MGAT4B: variants seen among roughly 807,000 people sequenced by gnomAD.
The protein encoded by MGAT4B is N-acetylglucosaminyltransferase IVb.
Under a neutral mutation model 73.9 loss-of-function variants are expected in MGAT4B, and 38 were observed. The ratio of observed to expected loss-of-function variants is 0.51; its 90% CI spans 0.40 to 0.67. The LOEUF (loss-of-function observed/expected upper bound fraction) is 0.67. MGAT4B is among the 30% of genes least tolerant of loss of function. The probability of loss-of-function intolerance (pLI) is 0.00; values close to 1 mark genes in which losing one functional copy is unlikely to be tolerated. For missense variants in MGAT4B, 686 were observed against 735.2 expected (o/e 0.93, Z 0.77); for synonymous variants, 373 against 313.5 (o/e 1.19, Z -2.01).
chr5:179,806,468 G>A lies in MGAT4B; in HGVS notation c.97+19C>T. The A allele has an allele frequency of 1.6e-6, 2 of 1,260,418 alleles. No homozygotes were observed. The highest frequency in any genetic ancestry group is 2.8e-5 in the Admixed American group (1 of 35,400). The allele number at this position is 1,260,418 out of a possible 1,614,324, so 78.1% of individuals were successfully genotyped here. A position where few individuals can be genotyped will look rare whatever the true frequency, so the allele number is the denominator to read the frequency against. On this transcript the variant is annotated intron_variant, in intron 1 of 14. Transcript: ENST00000292591. The surrounding 1 kb of genome is among the most constrained non-coding windows in gnomAD (Gnocchi z 4.6). ...CGCCCAGGTGCGCCAGGTGCGGGCC[G>A]GGCGGGGGTCGCGCTCACCTTTCTG... is the stretch of plus-strand genomic sequence containing the variant.
chr5:179,800,788 G>A, intron 5 of MGAT4B, 119 bp downstream of exon 5: 2 of 1,210,166 alleles, frequency 1.7e-6, no homozygotes, highest in East Asian at 2.5e-5. Context: ...CCCCCACCAG[G>A]TCCCTGCCTC....
intron 1 of MGAT4B, chr5:179,805,114 C>T (rs965053961): frequency 2.0e-5 from 3 of 152,282 alleles, no homozygotes; most frequent in Admixed American, 6.5e-5. Flanking sequence ...GTCCTGGAGC[C>T]TGGCTCCCTG....
chr5:179,799,855 C>T (rs1488128750), intron 8 of MGAT4B, 99 bp downstream of exon 8: 3 of 1,344,774 alleles, frequency 2.2e-6, no homozygotes, highest in Non-Finnish European at 3.2e-6. Flanking sequence ...GCAGGGCCCA[C>T]CTGGGCAAAG....
chr5:179,801,074 TGAGGGCGGAGTAAGGGGGCCCCCA>T lies in MGAT4B; in HGVS notation c.559-145_559-122del. The T allele has an allele frequency of 7.4e-7, 1 of 1,343,862 alleles. No homozygotes were observed. The highest frequency in any genetic ancestry group is 1.0e-6 in the Non-Finnish European group (1 of 964,786). 83.2% of individuals were successfully genotyped at this position (1,343,862 alleles called of 1,614,324 possible). ...CGTGGAGGGAGTGAGCCTGCTGTGC[TGAGGGCGGAGTAAGGGGGCCCCCA>T]GAGACGGCCCTTTCCCTTTGGGACT... On this transcript the variant is annotated intron_variant, in intron 4 of 14. Transcript: ENST00000292591. This position sits in a 1 kb window ranked among gnomAD's most constrained non-coding sequence, Gnocchi z 4.8.
chr5:179,805,432 C>A (rs1757106517), intron 1 of MGAT4B: 1 of 152,596 alleles, frequency 6.6e-6, no homozygotes, highest in Non-Finnish European at 1.5e-5. Flanking sequence ...CCCAGCCATC[C>A]CTCCCGTGTC....
In MGAT4B at chr5:179,798,513, G is replaced by C. The variant is rs552336424; in HGVS notation, c.1422C>G (p.Asp474Glu). 2 of 1,613,520 alleles carry C rather than the reference G, an allele frequency of 1.2e-6. No individual in the cohort carries two copies. The highest frequency in any genetic ancestry group is 1.7e-6 in the Non-Finnish European group (2 of 1,180,012). ...FNTSVEVLPF[D>E]NPQSDKEALQ... is the part of the protein sequence containing the mutation. The stretch of plus-strand genomic sequence containing the variant: ...TGCACACCACACCCACCGAACTTAC[G>C]TCGAAGGGCAGCACCTCCACAGACG... Residue 474 changes from aspartate (D) to glutamate (E), a missense_variant and splice_region_variant, in exon 12 of 15, where the codon GAC becomes GAG. Physicochemically the swap from Asp to Glu is conservative, Grantham distance 45. This residue lies in a region of MGAT4B where 449 missense variants were observed against 536.8 expected (regional missense o/e 0.84). Transcript: ENST00000292591.
At chr5:179,802,686 G>C in intron 1 of MGAT4B, 1 of 986,354 alleles carries the variant, frequency 1.0e-6, no homozygotes, top group African/African-American at 1.7e-5. Flanking sequence ...AGAACCTCCA[G>C]CTGGGCCCAG....
chr5:179,800,740 C>T, intron 5 of MGAT4B, 143 bp from the exon 6 acceptor site: 1 of 988,874 alleles, frequency 1.0e-6, no homozygotes, highest in Non-Finnish European at 1.5e-6. Flanking sequence ...GGTAGCAGAG[C>T]TCCAGAGGGG....
chr5:179,806,497 G>C lies in MGAT4B; in HGVS notation c.87C>G (p.Ser29Arg). ...GGGGGTCGCGCTCACCTTTCTGGCC[G>C]CTGAGTGCCGCGTACCAGGACAGCG... is the stretch of plus-strand genomic sequence containing the variant. ...FLSLSWYAAL[S>R]GQKGDVVDVY... Residue 29 changes from serine to arginine, a missense_variant, in exon 1 of 15, where the codon AGC (serine) becomes AGG (arginine). Physicochemically the swap from Ser to Arg is moderately radical, Grantham distance 110 (BLOSUM62 -1). This residue lies in a region of MGAT4B where 237 missense variants were observed against 198.5 expected (regional missense o/e 1.19). Coordinates refer to ENST00000292591, the MANE Select transcript of MGAT4B (RefSeq NM_014275.5). This position sits in a 1 kb window ranked among gnomAD's most constrained non-coding sequence, Gnocchi z 4.6. 7.6e-7 allele frequency: 1 copy of C among 1,312,448 alleles called. No homozygotes were observed. Among genetic ancestry groups the C allele is most frequent in the Non-Finnish European group, 9.9e-7 (1 of 1,005,054 alleles). 81.3% of individuals were successfully genotyped at this position (1,312,448 alleles called of 1,614,324 possible). A position where few individuals can be genotyped will look rare whatever the true frequency, so the allele number is the denominator to read the frequency against.
Position 179,799,601 on chromosome 5 carries a change from C to T in MGAT4B, c.946G>A (p.Val316Ile). 2 of 1,613,922 alleles carry T rather than the reference C, an allele frequency of 1.2e-6. No homozygotes were observed. The highest frequency in any genetic ancestry group is 2.2e-5 in the South Asian group (2 of 91,086). Residue 316 changes from valine (V) to isoleucine (I), a missense_variant, in exon 9 of 15, where the codon GTA (valine) becomes ATA (isoleucine). Transcript: ENST00000292591. ...MFKSLDLSLI[V>I]EFILMFYRDK... ...CGGTAGAACATGAGAATGAACTCTA[C>T]AATCAGGCTCAGGTCCAGCGACTTG... is the stretch of plus-strand genomic sequence containing the variant.
chr5:179,801,582 C>G lies in MGAT4B; in HGVS notation c.396G>C (p.Ala132=). The change falls in exon 3 of 15, where the codon GCG becomes GCC. Residue 132 remains alanine, a synonymous_variant. Transcript: ENST00000292591. The surrounding 1 kb of genome is among the most constrained non-coding windows in gnomAD (Gnocchi z 4.8). ...CGGTGCGGCCCTGGCCCACGCGCAC[C>G]GCGGGCTGCAGACTGCTCTCCTTGG... ...LLAKESSLQP[A]VRVGQGRTGV... 1 of 1,607,562 alleles carries G rather than the reference C, an allele frequency of 6.2e-7. No homozygotes were observed. Among genetic ancestry groups the G allele is most frequent in the African/African-American group, 1.3e-5 (1 of 75,040 alleles).
At chr5:179,799,912 G>A in intron 8 of MGAT4B, 42 bp downstream of exon 8, 1 of 1,534,510 alleles carries the variant, frequency 6.5e-7, no homozygotes, top group Non-Finnish European at 9.0e-7. Context: ...GGCAGAGGCA[G>A]GTGGGACTGA....
chr5:179,798,118 T>C lies in MGAT4B; in HGVS notation c.1623+47A>G, dbSNP rs776625019. On this transcript the variant is annotated intron_variant, in intron 14 of 14. Coordinates refer to ENST00000292591, the MANE Select transcript of MGAT4B (RefSeq NM_014275.5). ...GCAGGGCCTCTGAGCTCCGCCAGGG[T>C]CTCCCTGGCTGCTCCCCGTGCCTGG... is the stretch of plus-strand genomic sequence containing the variant. 5.0e-6 allele frequency: 8 copies of C among 1,597,520 alleles called. No homozygotes were observed. In the South Asian group the frequency reaches 7.8e-5, roughly 16 times the overall value.
chr5:179,799,122 C>T lies in MGAT4B; in HGVS notation c.1150-1G>A. 6.2e-7 allele frequency: 1 copy of T among 1,613,996 alleles called. No homozygotes were observed. Among genetic ancestry groups the T allele is most frequent in the Non-Finnish European group, 8.5e-7 (1 of 1,180,042 alleles). On this transcript the variant is annotated splice_acceptor_variant, in intron 10 of 14. Transcript: ENST00000292591. LOFTEE classifies it high-confidence loss of function. The stretch of plus-strand genomic sequence containing the variant: ...GCGCCTGCTTTCCAAAGTCTTTGTC[C>T]TGCAGCGGAGGAGGGACAGCAGTGA...
rs1756903175 is a variant in MGAT4B at position 179,801,095 on chromosome 5, C to T, written c.559-142G>A. 2 of 1,214,600 alleles carry T rather than the reference C, an allele frequency of 1.6e-6. No homozygotes were observed. The highest frequency in any genetic ancestry group is 3.0e-5 in the African/African-American group (2 of 65,786). 75.2% of individuals were successfully genotyped at this position (1,214,600 alleles called of 1,614,324 possible). On this transcript the variant is annotated intron_variant, in intron 4 of 14. Transcript: ENST00000292591. The surrounding 1 kb of genome is among the most constrained non-coding windows in gnomAD (Gnocchi z 4.8). ...GTGCTGAGGGCGGAGTAAGGGGGCC[C>T]CCAGAGACGGCCCTTTCCCTTTGGG...
rs765318378 is a variant in MGAT4B, at chr5:179,801,125, G to A, written c.559-172C>T. The A allele has an allele frequency of 1.3e-5, 15 of 1,125,686 alleles. No homozygotes were observed. Among genetic ancestry groups the A allele is most frequent in the South Asian group, 9.1e-5 (6 of 66,014 alleles). 69.7% of individuals were successfully genotyped at this position (1,125,686 alleles called of 1,614,324 possible). A position where few individuals can be genotyped will look rare whatever the true frequency, so the allele number is the denominator to read the frequency against. ...AGACGGCCCTTTCCCTTTGGGACTCGCATGGCCAAGGACTAGGGGGTGGCG... is the reference window on the plus strand; with the variant it reads ...AGACGGCCCTTTCCCTTTGGGACTCACATGGCCAAGGACTAGGGGGTGGCG... On this transcript the variant is annotated intron_variant, in intron 4 of 14. Transcript: ENST00000292591. This position sits in a 1 kb window ranked among gnomAD's most constrained non-coding sequence, Gnocchi z 4.8.
chr5:179,803,925 C>T (rs964722206), intron 1 of MGAT4B: 1 of 152,578 alleles, frequency 6.6e-6, no homozygotes, highest in South Asian at 2.1e-4. Flanking sequence ...CCCCATGGGC[C>T]AGGCCCTATG....
intron 11 of MGAT4B, 133 bp downstream of exon 11, chr5:179,798,795 A>G (rs1756771532): frequency 3.4e-6 from 4 of 1,173,156 alleles, no homozygotes; most frequent in Non-Finnish European, 4.8e-6. Context: ...TAGTCCTCAC[A>G]AGGTAGCTAC....
rs1308227885 is a variant in MGAT4B at position 179,799,223 on chromosome 5, C to T, written c.1129G>A (p.Gly377Ser). 6.2e-7 allele frequency: 1 copy of T among 1,614,002 alleles called. No homozygotes were observed. The highest frequency in any genetic ancestry group is 2.2e-5 in the East Asian group (1 of 44,892). Reference sequence around the variant, plus strand: ...CCCACCTTCAGTTTCTGGATCTTGCCAGCCAGCGAGGAGTGAGTGCCCACG... The same window carrying T: ...CCCACCTTCAGTTTCTGGATCTTGCTAGCCAGCGAGGAGTGAGTGCCCACG... Reference protein sequence around the residue: ...QHVGTHSSLAGKIQKLKDKDF... With the variant: ...QHVGTHSSLASKIQKLKDKDF... Residue 377 changes from glycine to serine, a missense_variant, in exon 10 of 15, where the codon GGC (glycine) becomes AGC (serine). Physicochemically the swap from Gly to Ser is moderately conservative, Grantham distance 56. Coordinates refer to ENST00000292591, the MANE Select transcript of MGAT4B (RefSeq NM_014275.5).
Sources: gnomAD v4.1 joint callset for allele counts on GRCh38, gnomAD v4.1.1 for gene constraint, gnomAD v4.1.1 regional missense constraint, Gnocchi (gnomAD v3.1) non-coding constraint, MANE v1.5 for transcripts, NCBI Gene and HGNC (gene_info 2026-07-23, HGNC 2026-07-21) for gene names.